LRRC39: variants seen among roughly 807,000 people sequenced by gnomAD.
The protein encoded by LRRC39 is leucine rich repeat containing 39.
LRRC39 carries 35 observed loss-of-function variants against 39.7 expected under a neutral mutation model. The ratio of observed to expected loss-of-function variants is 0.88; its 90% CI spans 0.67 to 1.17. LRRC39 has a LOEUF of 1.17. LRRC39 is among the 50% of genes most tolerant of loss of function. The pLI is 0.00. For synonymous variants in LRRC39, 113 were observed against 134.1 expected (o/e 0.84, Z 1.09); for missense variants, 357 against 385.8 (o/e 0.93, Z 0.62).
At chr1:100,154,293 A>G (rs1366822603) in intron 8 of LRRC39, among the ~76,000 whole-genome samples, 2 of 152,178 alleles carry the variant, frequency 1.3e-5, no homozygotes, top group Non-Finnish European at 2.9e-5. Context: ...AAAATTGTGG[A>G]TTTTGCAATT....
chr1:100,160,472 T>C lies in LRRC39; in HGVS notation c.213A>G (p.Glu71=). 2 of 1,611,684 alleles carry C rather than the reference T, an allele frequency of 1.2e-6. No homozygotes were observed. Among genetic ancestry groups the C allele is most frequent in the Non-Finnish European group, 1.7e-6 (2 of 1,178,578 alleles). ...GRVILKIEKE[E]WKTLPSSLLK... Reference sequence around the variant, plus strand: ...ATATTCTATAAAAGCTTACCTTCCATTCCTCTTTTTCTATCTTCAAAATGA... The same window carrying C: ...ATATTCTATAAAAGCTTACCTTCCACTCCTCTTTTTCTATCTTCAAAATGA... Residue 71 remains glutamate (E), a synonymous_variant, in exon 4 of 10, where the codon GAA becomes GAG. Coordinates refer to ENST00000370137, the MANE Select transcript of LRRC39 (RefSeq NM_144620.4).
At chr1:100,167,062 T>C (rs1659301116) in intron 3 of LRRC39, among the ~76,000 whole-genome samples, 1 of 152,126 alleles carries the variant, frequency 6.6e-6, no homozygotes, top group South Asian at 2.1e-4. Context: ...AACCAATCAG[T>C]CTCATTCCCC....
intron 3 of LRRC39, among the ~76,000 whole-genome samples, chr1:100,167,121 T>C (rs1659306307): frequency 1.3e-5 from 2 of 152,156 alleles, no homozygotes; most frequent in Non-Finnish European, 1.5e-5. Context: ...TTCTGGCCAA[T>C]GAGAAGTGAA....
intron 9 of LRRC39, chr1:100,149,408 T>C (rs908122327): frequency 6.5e-7 from 1 of 1,545,038 alleles, no homozygotes; most frequent in Admixed American, 2.0e-5. Flanking sequence ...TGTCAGAATC[T>C]GTCCATGACA....
chr1:100,149,225 G>A (rs1032904274), intron 9 of LRRC39, 128 bp from the exon 10 acceptor site: 8 of 1,492,022 alleles, frequency 5.4e-6, no homozygotes, highest in Non-Finnish European at 7.1e-6. Context: ...GTGATTGATT[G>A]TAACAAGGGC....
intron 4 of LRRC39, 115 bp downstream of exon 4, chr1:100,160,351 T>G: frequency 1.6e-6 from 1 of 619,458 alleles, no homozygotes; most frequent in South Asian, 3.0e-5. Flanking sequence ...ATTTGGTGTA[T>G]TATTAAAATT....
In LRRC39 at chr1:100,155,201, A is replaced by G; in HGVS notation, c.662T>C (p.Met221Thr). The change falls in exon 8 of 10, where the codon ATG becomes ACG. Residue 221 changes from methionine (M) to threonine (T), a missense_variant and splice_region_variant. Coordinates refer to ENST00000370137, the MANE Select transcript of LRRC39 (RefSeq NM_144620.4). The part of the protein sequence containing the change: ...LEQLPDTIER[M>T]QNLHTLWLQR... ...CAGCCATAACGTATGTAGATTTTGC[A>G]TTCTGAAAAATTAAGGTTTCTACAA... 6.3e-7 allele frequency: 1 copy of G among 1,576,314 alleles called. No individual in the cohort carries two copies. The highest frequency in any genetic ancestry group is 8.6e-7 in the Non-Finnish European group (1 of 1,168,720).
intron 9 of LRRC39, 127 bp downstream of exon 9, chr1:100,152,256 CAG>C (rs1270019874): frequency 6.2e-6 from 6 of 970,806 alleles, no homozygotes; most frequent in Non-Finnish European, 8.7e-6. Flanking sequence ...ACTAAGAGAA[CAG>C]AATTTGACAG....
At chr1:100,150,344 C>A (rs983002882) in intron 9 of LRRC39, 4 of 152,106 alleles carry the variant, frequency 2.6e-5, no homozygotes, top group African/African-American at 9.7e-5. Flanking sequence ...AAGTTAGTTA[C>A]CCATGTCCCC....
chr1:100,177,236 G>T (rs1308388862), intron 1 of LRRC39, among the ~76,000 whole-genome samples: 1 of 152,118 alleles, frequency 6.6e-6, no homozygotes, highest in Non-Finnish European at 1.5e-5. Flanking sequence ...TTCCAAAATG[G>T]TTAAAATGAT....
intron 6 of LRRC39, 120 bp downstream of exon 6, chr1:100,158,107 CTAAA>C: frequency 9.2e-7 from 1 of 1,091,828 alleles, no homozygotes; most frequent in East Asian, 2.4e-5. Context: ...ATGGTTTTCT[CTAAA>C]TATTTTTTCT....
intron 3 of LRRC39, among the ~76,000 whole-genome samples, chr1:100,162,436 C>T (rs114210351): frequency 0.011 from 1,596 of 151,910 alleles, 35 homozygotes; most frequent in African/African-American, 0.037. Context: ...AGGTGGAGTT[C>T]GAGACCATCC....
At chr1:100,178,979 C>G (rs1225063952), upstream of LRRC39, among the ~76,000 whole-genome samples, 1 of 152,116 alleles carries the variant, frequency 6.6e-6, no homozygotes, top group African/African-American at 2.4e-5. Context: ...TAAAAGCACA[C>G]ATATGTGAAG....
chr1:100,152,243 T>C, intron 9 of LRRC39, 142 bp downstream of exon 9: 1 of 860,120 alleles, frequency 1.2e-6, no homozygotes. Context: ...TCCCACAATA[T>C]TGACTAAGAG....
At chr1:100,167,778 A>AAAT (rs5776500) in intron 3 of LRRC39, among the ~76,000 whole-genome samples, 4,315 of 137,348 alleles carry the variant, frequency 0.031, 105 homozygotes, top group East Asian at 0.12. Flanking sequence ...TCCATTTCAA[A>AAAT]AATAATAATA....
At chr1:100,157,733 T>A (rs1171202001) in intron 6 of LRRC39, among the ~76,000 whole-genome samples, 1 of 152,238 alleles carries the variant, frequency 6.6e-6, no homozygotes, top group Non-Finnish European at 1.5e-5. Flanking sequence ...CATGGAAACT[T>A]CTTCACTGAT....
chr1:100,174,951 G>C (rs938503024), intron 1 of LRRC39, among the ~76,000 whole-genome samples: 2 of 152,192 alleles, frequency 1.3e-5, no homozygotes, highest in Non-Finnish European at 2.9e-5. Flanking sequence ...CCTTGAAACA[G>C]TGAGTTCTTG....
At position 100,160,525 on chromosome 1, in the gene LRRC39, CT is replaced by C. The variant is rs775054767; in HGVS notation, c.159del (p.Glu54LysfsTer12). The C allele has an allele frequency of 5.0e-6, 8 of 1,613,826 alleles. No homozygotes were observed. Among genetic ancestry groups the C allele is most frequent in the Non-Finnish European group, 6.8e-6 (8 of 1,179,940 alleles). On this transcript the variant is annotated frameshift_variant, in exon 4 of 10. Transcript: ENST00000370137. LOFTEE classifies it high-confidence loss of function. ...CTTCCATCTTCCCTGGTGACCTTTT[CT>C]CTTAGCTTGGTTAAGCTTACTCGTT... Reference protein sequence around the residue: ...WEERVSLTKLREKVTREDGRV... With the variant: ...WEERVSLTKLXEKVTREDGRV...
intron 9 of LRRC39, chr1:100,149,298 G>T: frequency 6.5e-7 from 1 of 1,531,422 alleles, no homozygotes; most frequent in South Asian, 1.3e-5. Context: ...GCACAATTGT[G>T]ATTTTCTCAA....
Sources: gnomAD v4.1 joint callset for allele counts (sites outside exome capture counted in the v4.1 genomes callset) on GRCh38, gnomAD v4.1.1 for gene constraint, MANE v1.5 for transcripts, NCBI Gene and HGNC (gene_info 2026-07-23, HGNC 2026-07-21) for gene names.